The following KCNK2 variants were observed in gnomAD, a reference collection of about 807,000 sequenced individuals.
KCNK2 encodes potassium two pore domain channel subfamily K member 2.
Under a neutral mutation model 40.5 loss-of-function variants are expected in KCNK2, and 21 were observed. The ratio of observed to expected loss-of-function variants is 0.52; its 90% CI spans 0.37 to 0.75. The LOEUF is 0.75. Among genes scored for constraint, KCNK2 ranks in the 30% least tolerant of loss-of-function variants. The pLI is 0.00. For missense variants in KCNK2, 399 were observed against 531.6 expected (o/e 0.75, Z 2.45); for synonymous variants, 191 against 202.2 (o/e 0.94, Z 0.47).
intron 3 of KCNK2, among the ~76,000 whole-genome samples, chr1:215,138,095 G>T (rs2363554): frequency 1.1e-4 from 16 of 152,026 alleles, no homozygotes; most frequent in Non-Finnish European, 1.0e-4. Context: ...TATTAGAAAC[G>T]TAGTAACATG....
chr1:215,233,974 TA>T (rs1666775223), intron 6 of KCNK2, among the ~76,000 whole-genome samples: 1 of 152,198 alleles, frequency 6.6e-6, no homozygotes, highest in African/African-American at 2.4e-5. Flanking sequence ...TCTCAAAAGA[TA>T]ACTACATAAT....
At position 215,018,957 on chromosome 1, in the gene KCNK2, C is replaced by T. The variant is rs1476789567; in HGVS notation, c.34+13002C>T. ...GATGAAGCTGGCTAGACCTGACAAG[C>T]ACTTGTGGGGTGCAATTCTCTCTCA... is the stretch of plus-strand genomic sequence containing the variant. On this transcript the variant is annotated intron_variant, in intron 1 of 6. Coordinates refer to the KCNK2 transcript ENST00000391895. Among the ~76,000 whole-genome samples the T allele has an allele frequency of 2.0e-5, 3 of 151,500 alleles. No individual in the cohort carries two copies. The East Asian group carries it at 5.9e-4, about 30-fold the overall frequency.
chr1:215,229,403 C>T (rs1025955351), intron 6 of KCNK2, among the ~76,000 whole-genome samples: 3 of 151,990 alleles, frequency 2.0e-5, no homozygotes, highest in Admixed American at 2.0e-4. Context: ...GTGGCTCACA[C>T]CTGTAATCCC....
At chr1:215,109,581 T>C (rs571403451) in intron 2 of KCNK2, among the ~76,000 whole-genome samples, 19 of 152,228 alleles carry the variant, frequency 1.2e-4, no homozygotes, top group African/African-American at 4.1e-4. Flanking sequence ...TGTGTGTGTG[T>C]GTGCGTGCAT....
chr1:215,054,900 A>T (rs61818272), intron 1 of KCNK2, among the ~76,000 whole-genome samples: 1,817 of 152,300 alleles, frequency 0.012, 43 homozygotes, highest in South Asian at 0.1. Context: ...ACCAAATACT[A>T]TGAATGTTCA....
At chr1:215,005,982 C>A in intron 1 of KCNK2, 1 of 1,597,758 alleles carries the variant, frequency 6.3e-7, no homozygotes, top group Non-Finnish European at 8.6e-7. Flanking sequence ...TAATCAAGTA[C>A]CTTATTTGTT....
chr1:215,017,149 G>T (rs934504083), intron 1 of KCNK2, among the ~76,000 whole-genome samples: 1 of 152,194 alleles, frequency 6.6e-6, no homozygotes, highest in Non-Finnish European at 1.5e-5. Flanking sequence ...GAGGGAATGT[G>T]TATAAGTACA....
chr1:215,234,742 C>T, intron 6 of KCNK2, 86 bp from the exon 7 acceptor site: 2 of 1,318,032 alleles, frequency 1.5e-6, no homozygotes, highest in East Asian at 4.6e-5. Context: ...TTTAAAATCC[C>T]AAAATAAAAT....
chr1:215,236,085 T>TATCTATCTATCTATC lies in KCNK2; in HGVS notation c.*953_*954insTCATCTATCTATCTA, dbSNP rs1553277288. On this transcript the variant is annotated 3_prime_UTR_variant, in exon 7 of 7. Coordinates refer to ENST00000444842, the MANE Select transcript of KCNK2 (RefSeq NM_001017425.3). ...CTATCTATCTATCTATCTATCTATC[T>TATCTATCTATCTATC]ATCTATCTATCTAAATGACCTGACA... is the stretch of plus-strand genomic sequence containing the variant. 1.2e-4 allele frequency: 18 copies of TATCTATCTATCTATC among 152,080 alleles called. No individual in the cohort carries two copies. The highest frequency in any genetic ancestry group is 4.4e-4 in the African/African-American group (18 of 41,156). The allele number at this position is 152,080 out of a possible 1,614,324, so 9.4% of individuals were successfully genotyped here.
At chr1:215,186,764 C>T (rs149636739) in intron 5 of KCNK2, among the ~76,000 whole-genome samples, 47 of 152,220 alleles carry the variant, frequency 3.1e-4, no homozygotes, top group African/African-American at 1.1e-3. Context: ...TGCTCCTTCC[C>T]GATGGCACTT....
upstream of KCNK2, among the ~76,000 whole-genome samples, chr1:215,005,594 G>C (rs149894109): frequency 6.6e-6 from 1 of 152,254 alleles, no homozygotes; most frequent in East Asian, 1.9e-4. Context: ...TCATTCATAA[G>C]GAAGAAACTT....
chr1:215,208,139 A>G (rs1396224782), intron 6 of KCNK2, among the ~76,000 whole-genome samples: 2 of 152,210 alleles, frequency 1.3e-5, no homozygotes, highest in Non-Finnish European at 2.9e-5. Flanking sequence ...CATCAATGAC[A>G]GAATGGATAC....
chr1:215,058,551 C>T (rs1027592767), intron 1 of KCNK2, among the ~76,000 whole-genome samples: 1 of 152,146 alleles, frequency 6.6e-6, no homozygotes, highest in Non-Finnish European at 1.5e-5. Context: ...CTATAACGAC[C>T]TTTGTTTCCA....
intron 2 of KCNK2, among the ~76,000 whole-genome samples, chr1:215,090,377 C>T (rs539474668): frequency 2.0e-5 from 3 of 152,270 alleles, no homozygotes; most frequent in Non-Finnish European, 4.4e-5. Flanking sequence ...CTAGCACTTA[C>T]TTCTGGTATT....
At chr1:215,194,432 A>G (rs754190459) in intron 5 of KCNK2, among the ~76,000 whole-genome samples, 2 of 152,150 alleles carry the variant, frequency 1.3e-5, no homozygotes, top group African/African-American at 2.4e-5. Flanking sequence ...TGTCTCTGGC[A>G]TTTGTTAGTG....
chr1:215,101,214 C>A (rs529179767), intron 2 of KCNK2, among the ~76,000 whole-genome samples: 7 of 151,868 alleles, frequency 4.6e-5, no homozygotes, highest in South Asian at 4.1e-4. Flanking sequence ...TGAGGGGTGA[C>A]TAAAAATTAA....
At chr1:215,219,018 C>A (rs1173498543) in intron 6 of KCNK2, among the ~76,000 whole-genome samples, 1 of 152,132 alleles carries the variant, frequency 6.6e-6, no homozygotes, top group Non-Finnish European at 1.5e-5. Context: ...TTTTTCAAAT[C>A]TGGATTTAAA....
chr1:215,181,573 TCCTCCTCTCC>T (rs1215338083), intron 5 of KCNK2, among the ~76,000 whole-genome samples: 2 of 152,206 alleles, frequency 1.3e-5, no homozygotes, highest in Admixed American at 1.3e-4. Context: ...CTCTTTTCTT[TCCTCCTCTCC>T]CCTGCTTTTT....
chr1:215,041,084 C>T (rs530086565), intron 1 of KCNK2, among the ~76,000 whole-genome samples: 2 of 152,284 alleles, frequency 1.3e-5, no homozygotes, highest in East Asian at 3.9e-4. Flanking sequence ...TTAAGGAAAA[C>T]CATTAGATGT....
Sources: gnomAD v4.1 joint callset for allele counts (sites outside exome capture counted in the v4.1 genomes callset) on GRCh38, gnomAD v4.1.1 for gene constraint, MANE v1.5 for transcripts, NCBI Gene and HGNC (gene_info 2026-07-23, HGNC 2026-07-21) for gene names.